The following ACACA variants were observed in gnomAD, a reference collection of about 807,000 sequenced individuals.
ACACA encodes the protein acetyl-CoA carboxylase alpha.
In ACACA, 103 loss-of-function variants were observed where a neutral mutation model predicts 296.1. The ratio of observed to expected loss-of-function variants is 0.35; its 90% CI spans 0.30 to 0.41. The LOEUF is 0.41. ACACA is among the 10% of genes least tolerant of loss of function. The pLI, the probability that ACACA is intolerant of heterozygous loss-of-function variation, is 1.00. For missense variants in ACACA, 1,554 were observed against 2,989.7 expected (o/e 0.52, Z 11.20); for synonymous variants, 953 against 1,038.6 (o/e 0.92, Z 1.58).
At chr17:37,204,495 C>G (rs1430203253) in intron 33 of ACACA, among the ~76,000 whole-genome samples, 1 of 152,002 alleles carries the variant, frequency 6.6e-6, no homozygotes, top group African/African-American at 2.4e-5. Context: ...CCCATGGAAT[C>G]GTGGTAAGAT....
intron 41 of ACACA, chr17:37,162,595 A>C: frequency 3.8e-6 from 1 of 260,234 alleles, no homozygotes; most frequent in South Asian, 4.2e-5. Flanking sequence ...TGTGGGTGAA[A>C]GCAAGCATGA....
At chr17:37,242,906 G>A (rs2080491705) in intron 22 of ACACA, among the ~76,000 whole-genome samples, 4 of 152,084 alleles carry the variant, frequency 2.6e-5, no homozygotes, top group Admixed American at 2.0e-4. Context: ...ATGGCAGCGT[G>A]TGAATGTAAT....
chr17:37,375,419 A>C lies in ACACA; in HGVS notation c.38+30843T>G, dbSNP rs568863428. Among the ~76,000 whole-genome samples the C allele has an allele frequency of 1.2e-4, 18 of 152,046 alleles. No individual in the cohort carries two copies. In the East Asian group the frequency reaches 3.5e-3, roughly 30 times the overall value. The stretch of plus-strand genomic sequence containing the variant: ...GGAGAATGGCGTGAACCTGGGAGAC[A>C]GAGCTTGCAGTGAGCCGAGATCGTG... On this transcript the variant is annotated intron_variant, in intron 1 of 55. Coordinates refer to ENST00000616317, the MANE Select transcript of ACACA (RefSeq NM_198834.3).
intron 1 of ACACA, among the ~76,000 whole-genome samples, chr17:37,366,746 C>G (rs370969940): frequency 2.0e-5 from 3 of 151,916 alleles, no homozygotes; most frequent in East Asian, 3.9e-4. Flanking sequence ...GGATTACACA[C>G]GTGAGCCACT....
At chr17:37,224,613 C>G (rs1436501933) in intron 27 of ACACA, among the ~76,000 whole-genome samples, 7 of 151,956 alleles carry the variant, frequency 4.6e-5, no homozygotes, top group African/African-American at 1.7e-4. Flanking sequence ...ATGTATACAT[C>G]TGATTCAAAT....
chr17:37,124,595 A>T (rs1244286923), intron 48 of ACACA, among the ~76,000 whole-genome samples: 1 of 152,192 alleles, frequency 6.6e-6, no homozygotes, highest in Non-Finnish European at 1.5e-5. Flanking sequence ...CCTACTTCCA[A>T]GCTCCCCACT....
chr17:37,342,100 CTCTTT>C (rs1208201182), intron 1 of ACACA, among the ~76,000 whole-genome samples: 2 of 151,870 alleles, frequency 1.3e-5, no homozygotes, highest in Non-Finnish European at 2.9e-5. Flanking sequence ...ATGCCAAATT[CTCTTT>C]TATTTAAAAA....
chr17:37,334,060 C>G (rs1241471218), intron 2 of ACACA, among the ~76,000 whole-genome samples: 1 of 151,944 alleles, frequency 6.6e-6, no homozygotes, highest in Non-Finnish European at 1.5e-5. Flanking sequence ...ATCACTCACA[C>G]TGCGCCTGGA....
In ACACA at chr17:37,226,215, C is replaced by T. The variant is rs2079538089; in HGVS notation, c.3360+124G>A. 5 of 826,412 alleles carry T rather than the reference C, an allele frequency of 6.1e-6. No homozygotes were observed. The East Asian group carries it at 9.7e-5, about 16-fold the overall frequency. The allele number at this position is 826,412 out of a possible 1,614,324, so 51.2% of individuals were successfully genotyped here. On this transcript the variant is annotated intron_variant, in intron 26 of 55. Coordinates refer to ENST00000616317, the MANE Select transcript of ACACA (RefSeq NM_198834.3). Reference sequence around the variant, plus strand: ...ATGAAAACATTTGTTCTGAGGAAAACGTGACACATATATAGAAAATAACAT... The same window carrying T: ...ATGAAAACATTTGTTCTGAGGAAAATGTGACACATATATAGAAAATAACAT...
At chr17:37,235,698 A>G (rs1193411715) in intron 24 of ACACA, among the ~76,000 whole-genome samples, 2 of 152,170 alleles carry the variant, frequency 1.3e-5, no homozygotes, top group African/African-American at 4.8e-5. Flanking sequence ...CCTGGAATCA[A>G]CATTTTCTTC....
chr17:37,343,884 A>T (rs1184384383), intron 1 of ACACA, among the ~76,000 whole-genome samples: 1 of 151,970 alleles, frequency 6.6e-6, no homozygotes, highest in Non-Finnish European at 1.5e-5. Flanking sequence ...ATTACAGAAA[A>T]TTTTATTTTA....
At chr17:37,174,020 A>ATATATTTTTTTTTTT (rs552735515) in intron 41 of ACACA, among the ~76,000 whole-genome samples, 1 of 16,796 alleles carries the variant, frequency 6.0e-5, no homozygotes, top group Non-Finnish European at 9.9e-5. Flanking sequence ...ATATATATAT[A>ATATATTTTTTTTTTT]TTTTTTTTTT....
intron 1 of ACACA, among the ~76,000 whole-genome samples, chr17:37,393,017 C>T (rs2050945684): frequency 6.6e-6 from 1 of 151,712 alleles, no homozygotes; most frequent in African/African-American, 2.4e-5. Context: ...TGGAGGGCAC[C>T]TATAATCTCA....
intron 2 of ACACA, among the ~76,000 whole-genome samples, chr17:37,335,998 T>C (rs2048100751): frequency 6.6e-6 from 1 of 152,080 alleles, no homozygotes; most frequent in African/African-American, 2.4e-5. Context: ...CCTCAGCCAA[T>C]GGATGCCCTG....
intron 1 of ACACA, among the ~76,000 whole-genome samples, chr17:37,381,917 GCAC>G (rs2050306952): frequency 6.6e-6 from 1 of 151,982 alleles, no homozygotes; most frequent in South Asian, 2.1e-4. Context: ...GTGAGCCACT[GCAC>G]CCGGCCATGT....
chr17:37,094,880 G>GC (rs1333811142), intron 54 of ACACA, among the ~76,000 whole-genome samples: 3 of 152,380 alleles, frequency 2.0e-5, no homozygotes, highest in South Asian at 4.1e-4. Flanking sequence ...CAGCATGGCT[G>GC]CCCCCAGTGC....
At chr17:37,292,892 T>C (rs2083139728) in intron 3 of ACACA, among the ~76,000 whole-genome samples, 1 of 152,020 alleles carries the variant, frequency 6.6e-6, no homozygotes, top group Non-Finnish European at 1.5e-5. Context: ...TCTAGGCAAA[T>C]GACCAATAAG....
intron 10 of ACACA, among the ~76,000 whole-genome samples, chr17:37,265,667 C>T (rs1013405156): frequency 6.6e-6 from 1 of 152,154 alleles, no homozygotes; most frequent in East Asian, 1.9e-4. Flanking sequence ...CAGATAGGTA[C>T]ATGCTGTCAG....
intron 14 of ACACA, among the ~76,000 whole-genome samples, chr17:37,255,040 G>T (rs2146153863): frequency 6.6e-6 from 1 of 152,030 alleles, no homozygotes; most frequent in South Asian, 2.1e-4. Context: ...GGAAGAGGTT[G>T]CAGTGAGCTG....
Sources: gnomAD v4.1 joint callset for allele counts (sites outside exome capture counted in the v4.1 genomes callset) on GRCh38, gnomAD v4.1.1 for gene constraint, MANE v1.5 for transcripts, NCBI Gene and HGNC (gene_info 2026-07-23, HGNC 2026-07-21) for gene names.